Variants in TFCP2L1 observed in about 807,000 individuals in gnomAD.
The protein encoded by TFCP2L1 is transcription factor CP2-like protein 1.
In TFCP2L1, 12 loss-of-function variants were observed where a neutral mutation model predicts 72.2. That is an observed-to-expected ratio of 0.17 (90% confidence interval 0.11 to 0.27). The LOEUF (loss-of-function observed/expected upper bound fraction) is 0.27, where lower values mean the gene tolerates loss of function less well. Ranked by LOEUF, TFCP2L1 falls within the 10% of genes least tolerant of loss-of-function variation. The probability of loss-of-function intolerance (pLI) is 1.00; values close to 1 mark genes in which losing one functional copy is unlikely to be tolerated. For missense variants in TFCP2L1, 488 were observed against 624.6 expected (o/e 0.78, Z 2.33); for synonymous variants, 260 against 251.0 (o/e 1.04, Z -0.34).
chr2:121,285,115 G>T lies in TFCP2L1; in HGVS notation c.-6C>A, dbSNP rs1687342035. 6.7e-7 allele frequency: 1 copy of T among 1,501,934 alleles called. No individual in the cohort carries two copies. 93.0% of individuals were successfully genotyped at this position (1,501,934 alleles called of 1,614,324 possible). ...TGCGTGTGCCAGAAGAGCATGGCTG[G>T]AACTCCCAGCGCGCCGACCGGGGCG... is the stretch of plus-strand genomic sequence containing the variant. On this transcript the variant is annotated 5_prime_UTR_variant, in exon 1 of 15. Coordinates refer to ENST00000263707, the MANE Select transcript of TFCP2L1 (RefSeq NM_014553.3).
intron 8 of TFCP2L1, among the ~76,000 whole-genome samples, chr2:121,238,094 A>T (rs1686289043): frequency 6.6e-6 from 1 of 152,178 alleles, no homozygotes; most frequent in African/African-American, 2.4e-5. Context: ...GCCCCAGTCA[A>T]TGACACTCCT....
At chr2:121,234,973 CAAG>C (rs1686214780) in intron 11 of TFCP2L1, among the ~76,000 whole-genome samples, 1 of 152,260 alleles carries the variant, frequency 6.6e-6, no homozygotes, top group African/African-American at 2.4e-5. Flanking sequence ...CTCGTCCAAC[CAAG>C]AAGAGGGAGG....
intron 7 of TFCP2L1, 104 bp downstream of exon 7, chr2:121,242,255 G>C: frequency 1.3e-5 from 12 of 956,290 alleles, no homozygotes; most frequent in Non-Finnish European, 1.8e-5. Context: ...AGCACTCTCA[G>C]AAGTAGTCAC....
At chr2:121,265,773 C>T (rs1467772881) in intron 2 of TFCP2L1, among the ~76,000 whole-genome samples, 16 of 152,064 alleles carry the variant, frequency 1.1e-4, no homozygotes, top group Admixed American at 6.6e-5. Flanking sequence ...CGTGAGCCAC[C>T]GTGCCTGGCC....
rs757033914 is a variant in TFCP2L1, at chr2:121,237,729, G to A, written c.910-13C>T. Reference sequence around the variant, plus strand: ...ATGGGAGCAGGTGCTGTGAGCAGAGGGGAGAGGCCTTGAGATGGTGGCTCA... The same window carrying A: ...ATGGGAGCAGGTGCTGTGAGCAGAGAGGAGAGGCCTTGAGATGGTGGCTCA... On this transcript the variant is annotated splice_polypyrimidine_tract_variant and intron_variant, in intron 9 of 14. Coordinates refer to ENST00000263707, the MANE Select transcript of TFCP2L1 (RefSeq NM_014553.3). The A allele has an allele frequency of 3.1e-6, 5 of 1,614,180 alleles. No homozygotes were observed. Among genetic ancestry groups the A allele is most frequent in the Non-Finnish European group, 4.2e-6 (5 of 1,180,032 alleles).
intron 2 of TFCP2L1, among the ~76,000 whole-genome samples, chr2:121,263,226 A>G (rs563748822): frequency 6.6e-6 from 1 of 152,158 alleles, no homozygotes; most frequent in African/African-American, 2.4e-5. Flanking sequence ...ATGAGCCACC[A>G]TGTCTGGCCC....
chr2:121,251,854 C>T (rs1355274829), intron 2 of TFCP2L1, among the ~76,000 whole-genome samples: 2 of 152,158 alleles, frequency 1.3e-5, no homozygotes, highest in Non-Finnish European at 2.9e-5. Flanking sequence ...ACATGAATGA[C>T]TATCAGATAC....
intron 7 of TFCP2L1, chr2:121,240,823 T>A (rs983033880): frequency 1.2e-6 from 1 of 854,190 alleles, no homozygotes; most frequent in Non-Finnish European, 1.4e-6. Flanking sequence ...CTGCCACTCC[T>A]TTGCGGGCCG....
At chr2:121,227,397 A>G (rs1205111936) in intron 13 of TFCP2L1, among the ~76,000 whole-genome samples, 1 of 152,194 alleles carries the variant, frequency 6.6e-6, no homozygotes, top group Non-Finnish European at 1.5e-5. Context: ...AAATATATAA[A>G]CAGGCCGGGC....
chr2:121,255,250 C>T (rs1686691117), intron 2 of TFCP2L1, among the ~76,000 whole-genome samples: 1 of 152,228 alleles, frequency 6.6e-6, no homozygotes, highest in East Asian at 1.9e-4. Flanking sequence ...TACAGCGTAA[C>T]TCCCCAAGTT....
At chr2:121,245,313 G>A (rs2104697321) in intron 6 of TFCP2L1, among the ~76,000 whole-genome samples, 1 of 152,302 alleles carries the variant, frequency 6.6e-6, no homozygotes, top group Non-Finnish European at 1.5e-5. Context: ...AGGAACACAG[G>A]CCCGCTGACA....
chr2:121,285,167 G>T lies in TFCP2L1; in HGVS notation c.-58C>A. 1 of 1,379,242 alleles carries T rather than the reference G, an allele frequency of 7.3e-7. No homozygotes were observed. Among genetic ancestry groups the T allele is most frequent in the South Asian group, 1.7e-5 (1 of 59,496 alleles). 85.4% of individuals were successfully genotyped at this position (1,379,242 alleles called of 1,614,324 possible). ...GGCAGCAAGCGCAGACGCGGGGCGC[G>T]CCGAGGACCCAGCGGCGGCTTCGCG... On this transcript the variant is annotated 5_prime_UTR_variant, in exon 1 of 15. Coordinates refer to ENST00000263707, the MANE Select transcript of TFCP2L1 (RefSeq NM_014553.3).
chr2:121,229,285 C>T (rs1206223156), intron 13 of TFCP2L1, among the ~76,000 whole-genome samples: 2 of 152,164 alleles, frequency 1.3e-5, no homozygotes, highest in Non-Finnish European at 2.9e-5. Flanking sequence ...AAAAAATTGC[C>T]TTGCAGAATC....
chr2:121,269,378 G>A (rs1482927776), intron 2 of TFCP2L1, among the ~76,000 whole-genome samples: 4 of 152,118 alleles, frequency 2.6e-5, no homozygotes, highest in Non-Finnish European at 5.9e-5. Context: ...AGCCAAGGAG[G>A]TTGAGGCTGC....
In TFCP2L1 at chr2:121,237,840, GA is replaced by G; in HGVS notation, c.870del (p.Pro291ArgfsTer49). 1 of 1,614,088 alleles carries G rather than the reference GA, an allele frequency of 6.2e-7. No individual in the cohort carries two copies. The highest frequency in any genetic ancestry group is 8.5e-7 in the Non-Finnish European group (1 of 1,180,008). On this transcript the variant is annotated frameshift_variant, in exon 9 of 15. Transcript: ENST00000263707. LOFTEE classifies it high-confidence loss of function. ...NSFGLGEGNASPTHPVEALPV... is the reference protein window; with the variant it reads ...NSFGLGEGNAXPTHPVEALPV... ...GGCAGGGCCTCCACCGGGTGGGTCG[GA>G]GAGGCGTTGCTGCAAGGAAAAGGAA...
chr2:121,259,959 G>C (rs1308081831), intron 2 of TFCP2L1, among the ~76,000 whole-genome samples: 1 of 152,106 alleles, frequency 6.6e-6, no homozygotes, highest in Non-Finnish European at 1.5e-5. Flanking sequence ...TACAGCGATT[G>C]GTATTTATTT....
In TFCP2L1 at chr2:121,217,876, G is replaced by A. The variant is rs935962857; in HGVS notation, c.*6465C>T. ...CTGCATTCCCACCACGAGGCGGGGT[G>A]GACTCTGCAGGAGCCAGCTGAAGCA... On this transcript the variant is annotated 3_prime_UTR_variant, in exon 15 of 15. Transcript: ENST00000263707. 2 of 152,288 alleles carry A rather than the reference G, an allele frequency of 1.3e-5. No individual in the cohort carries two copies. The highest frequency in any genetic ancestry group is 1.3e-4 in the Admixed American group (2 of 15,292). The allele number at this position is 152,288 out of a possible 1,614,324, so 9.4% of individuals were successfully genotyped here.
At chr2:121,265,909 A>G (rs1686921529) in intron 2 of TFCP2L1, among the ~76,000 whole-genome samples, 1 of 145,422 alleles carries the variant, frequency 6.9e-6, no homozygotes, top group Admixed American at 7.1e-5. Flanking sequence ...TCTGTGGCCC[A>G]GGCTGAAGTG....
At chr2:121,252,396 C>T (rs1303884621) in intron 2 of TFCP2L1, among the ~76,000 whole-genome samples, 2 of 152,162 alleles carry the variant, frequency 1.3e-5, no homozygotes, top group African/African-American at 4.8e-5. Flanking sequence ...CAAGACACTC[C>T]TGTAGTGGGT....
Sources: gnomAD v4.1 joint callset for allele counts (sites outside exome capture counted in the v4.1 genomes callset) on GRCh38, gnomAD v4.1.1 for gene constraint, MANE v1.5 for transcripts, NCBI Gene and HGNC (gene_info 2026-07-23, HGNC 2026-07-21) for gene names.